PADI4: variants seen among roughly 807,000 people sequenced by gnomAD.
The protein encoded by PADI4 is protein-arginine deiminase type-4.
In PADI4, 62 loss-of-function variants were observed where a neutral mutation model predicts 75.0. That is an observed-to-expected ratio of 0.83 (90% CI 0.67 to 1.02). The LOEUF (loss-of-function observed/expected upper bound fraction) is 1.02. Ranked by LOEUF, PADI4 falls within the 50% of genes least tolerant of loss-of-function variation. The pLI is 0.00. For synonymous variants in PADI4, 361 were observed against 348.1 expected (o/e 1.04, Z -0.41); for missense variants, 845 against 850.5 (o/e 0.99, Z 0.08).
intron 1 of PADI4, among the ~76,000 whole-genome samples, chr1:17,317,454 A>C (rs537961153): frequency 6.6e-6 from 1 of 151,614 alleles, no homozygotes; most frequent in African/African-American, 2.4e-5. Context: ...TATTTTTAGT[A>C]CAGACGGGGA....
Position 17,358,403 on chromosome 1 carries a change from T to C in PADI4, c.1559-435T>C, listed in dbSNP as rs1570099439. 3.7e-5 allele frequency among the ~76,000 whole-genome samples: 2 copies of C among 54,536 alleles called. 1 individual carries two copies. The highest frequency in any genetic ancestry group is 1.3e-3 in the East Asian group (2 of 1,580). 35.8% of individuals were successfully genotyped at this position (54,536 alleles called of 152,430 possible). Reference sequence around the variant, plus strand: ...TAACACGGTGAAACCCCGTCTCTACTAAAAATACAAAAAATTAGCCGGGCG... The same window carrying C: ...TAACACGGTGAAACCCCGTCTCTACCAAAAATACAAAAAATTAGCCGGGCG... On this transcript the variant is annotated intron_variant, in intron 13 of 15. Transcript: ENST00000375448.
chr1:17,315,050 G>A (rs1204603466), intron 1 of PADI4, among the ~76,000 whole-genome samples: 2 of 152,234 alleles, frequency 1.3e-5, no homozygotes, highest in Non-Finnish European at 2.9e-5. Flanking sequence ...ACCAGGCTGG[G>A]AGCAGGTGGG....
intron 1 of PADI4, among the ~76,000 whole-genome samples, chr1:17,321,012 C>G (rs1442916534): frequency 6.6e-6 from 1 of 152,190 alleles, no homozygotes; most frequent in Non-Finnish European, 1.5e-5. Flanking sequence ...TGTAAGGTAA[C>G]ATCTTCACAG....
At chr1:17,320,388 G>A (rs751665501) in intron 1 of PADI4, among the ~76,000 whole-genome samples, 4 of 152,202 alleles carry the variant, frequency 2.6e-5, no homozygotes, top group Non-Finnish European at 4.4e-5. Context: ...TATTAAGAAC[G>A]CAAAGGAATA....
rs1370716887 is a variant in PADI4 at position 17,340,750 on chromosome 1, A to G, written c.652+937A>G. 4.7e-5 allele frequency among the ~76,000 whole-genome samples: 7 copies of G among 149,134 alleles called. No homozygotes were observed. The South Asian group carries it at 1.5e-3, about 32-fold the overall frequency. On this transcript the variant is annotated intron_variant, in intron 6 of 15. Coordinates refer to ENST00000375448, the MANE Select transcript of PADI4 (RefSeq NM_012387.3). ...GTTTTTTTTTTGCATGGGCCTGACA[A>G]TCATTCTGATCCTGATCATTCTGCC...
chr1:17,351,444 A>C (rs1436936088), intron 10 of PADI4, among the ~76,000 whole-genome samples: 2 of 150,502 alleles, frequency 1.3e-5, no homozygotes, highest in Non-Finnish European at 3.0e-5. Context: ...AAAAAAAATT[A>C]AAAATAAAAA....
At position 17,314,888 on chromosome 1, in the gene PADI4, G is replaced by A. The variant is rs11578712; in HGVS notation, c.92+6574G>A. ...ACATGCTGTGCCCTGGCTGGCTGGT[G>A]TAGACAGACTGGCCTGCTGTGGTAT... On this transcript the variant is annotated intron_variant, in intron 1 of 15. Coordinates refer to ENST00000375448, the MANE Select transcript of PADI4 (RefSeq NM_012387.3). Among the ~76,000 whole-genome samples the A allele has an allele frequency of 4.6e-3, 695 of 152,348 alleles. 6 individuals carry two copies. Among genetic ancestry groups the A allele is most frequent in the African/African-American group, 0.016 (656 of 41,588 alleles).
chr1:17,325,544 C>T (rs185309974), intron 1 of PADI4, among the ~76,000 whole-genome samples: 1 of 151,880 alleles, frequency 6.6e-6, no homozygotes, highest in Admixed American at 6.6e-5. Flanking sequence ...GTTTAATTCA[C>T]TCTTTTGGAG....
chr1:17,325,254 C>T (rs1381030149), intron 1 of PADI4, among the ~76,000 whole-genome samples: 2 of 152,186 alleles, frequency 1.3e-5, no homozygotes, highest in East Asian at 3.8e-4. Context: ...TGGATCTTCT[C>T]TAATGGCTTT....
chr1:17,358,152 G>A (rs1293796832), intron 13 of PADI4, among the ~76,000 whole-genome samples: 2 of 151,982 alleles, frequency 1.3e-5, no homozygotes, highest in Non-Finnish European at 2.9e-5. Flanking sequence ...GGAGGCTGAG[G>A]CAGGAGAATC....
rs960110187 is a variant in PADI4 at position 17,354,667 on chromosome 1, C to T, written c.1290C>T (p.Phe430=). ...GKEYPLGRIL[F]GDSCYPSNDS... ...AATACCCGCTGGGCAGGATTCTCTT[C>T]GGGGACAGCTGTTATCCCAGGTAAG... Residue 430 remains phenylalanine, a synonymous_variant, in exon 11 of 16, where the codon TTC becomes TTT. Transcript: ENST00000375448. The T allele has an allele frequency of 8.7e-6, 14 of 1,610,204 alleles. No homozygotes were observed. The highest frequency in any genetic ancestry group is 1.7e-4 in the Middle Eastern group (1 of 6,034).
chr1:17,310,418 T>C (rs1303666766), intron 1 of PADI4, among the ~76,000 whole-genome samples: 1 of 152,058 alleles, frequency 6.6e-6, no homozygotes, highest in African/African-American at 2.4e-5. Context: ...CCCTCCCATC[T>C]CCTGAGCAGC....
At chr1:17,316,642 A>T (rs2073941417) in intron 1 of PADI4, among the ~76,000 whole-genome samples, 1 of 151,818 alleles carries the variant, frequency 6.6e-6, no homozygotes. Flanking sequence ...GTGAGCCAAG[A>T]TCGCACCACT....
intron 2 of PADI4, among the ~76,000 whole-genome samples, chr1:17,332,347 A>G (rs1366317672): frequency 6.6e-6 from 1 of 152,094 alleles, no homozygotes; most frequent in African/African-American, 2.4e-5. Context: ...CCTGGGTTCA[A>G]ACGATTCTCC....
rs1334309820 is a variant in PADI4, at chr1:17,342,292, C to T, written c.832-7C>T. 2 of 1,595,528 alleles carry T rather than the reference C, an allele frequency of 1.3e-6. No individual in the cohort carries two copies. The highest frequency in any genetic ancestry group is 2.2e-5 in the South Asian group (2 of 90,612). ...GCCCCTCCTTCCCCTTACCCCCTCC[C>T]CTGCAGGAGCTCCCCGAGGCTGTGG... is the stretch of plus-strand genomic sequence containing the variant. On this transcript the variant is annotated splice_region_variant and splice_polypyrimidine_tract_variant and intron_variant, in intron 7 of 15. Transcript: ENST00000375448.
At chr1:17,344,724 C>G (rs1305407073) in intron 8 of PADI4, among the ~76,000 whole-genome samples, 1 of 152,230 alleles carries the variant, frequency 6.6e-6, no homozygotes, top group Non-Finnish European at 1.5e-5. Flanking sequence ...CCTGCAAGTG[C>G]ACAGAAGTCA....
At chr1:17,334,637 C>CTA (rs1557556066) in intron 3 of PADI4, 1 of 456,086 alleles carries the variant, frequency 2.2e-6, no homozygotes, top group East Asian at 7.0e-5. Flanking sequence ...ATATCTATAA[C>CTA]AAAAAGTAGA....
intron 2 of PADI4, among the ~76,000 whole-genome samples, chr1:17,332,145 G>A (rs2074224927): frequency 6.6e-6 from 1 of 152,066 alleles, no homozygotes; most frequent in South Asian, 2.1e-4. Context: ...CACTGCCTCT[G>A]CCCCTTCTCT....
intron 1 of PADI4, among the ~76,000 whole-genome samples, chr1:17,323,322 C>T (rs1412390569): frequency 2.0e-5 from 2 of 99,576 alleles, no homozygotes; most frequent in Admixed American, 1.0e-4. Context: ...GATATTCCAG[C>T]ACTTTTACTT....
Sources: allele counts gnomAD v4.1 joint callset (sites outside exome capture counted in the v4.1 genomes callset), GRCh38; gene constraint gnomAD v4.1.1; transcripts MANE v1.5; gene names NCBI Gene and HGNC (gene_info 2026-07-23, HGNC 2026-07-21).